ATP2B2: variants seen among roughly 807,000 people sequenced by gnomAD.
ATP2B2 encodes plasma membrane calcium-transporting ATPase 2.
ATP2B2 carries 15 observed loss-of-function variants against 120.0 expected under a neutral mutation model. That is an observed-to-expected ratio of 0.12 (90% CI 0.08 to 0.19). ATP2B2 has a LOEUF of 0.19. Among genes scored for constraint, ATP2B2 ranks in the 10% least tolerant of loss-of-function variants. The pLI is 1.00. For missense variants in ATP2B2, 1,045 were observed against 1,719.8 expected, an observed-to-expected ratio of 0.61 and a Z score of 6.94; for synonymous variants, 694 against 700.3, an observed-to-expected ratio of 0.99 and a Z score of 0.14.
chr3:10,695,425 T>C (rs1316548205), intron 1 of ATP2B2, among the ~76,000 whole-genome samples: 2 of 151,904 alleles, frequency 1.3e-5, no homozygotes, highest in Admixed American at 6.6e-5. Flanking sequence ...CACATGGGAG[T>C]TCAAAATGAG....
At chr3:10,382,170 T>C (rs1015898375) in intron 8 of ATP2B2, among the ~76,000 whole-genome samples, 4 of 151,166 alleles carry the variant, frequency 2.6e-5, no homozygotes, top group African/African-American at 9.7e-5. Flanking sequence ...GGAATATAGA[T>C]GTGTGCCACT....
intron 1 of ATP2B2, among the ~76,000 whole-genome samples, chr3:10,485,548 G>T (rs752020846): frequency 6.6e-6 from 1 of 152,204 alleles, no homozygotes; most frequent in Non-Finnish European, 1.5e-5. Context: ...CCCTGCCTCC[G>T]TATGGAGCTT....
intron 1 of ATP2B2, among the ~76,000 whole-genome samples, chr3:10,706,537 T>C (rs1159440993): frequency 1.3e-5 from 2 of 152,138 alleles, no homozygotes; most frequent in African/African-American, 4.8e-5. Context: ...CAGGCACAGA[T>C]GCTCAAGAGC....
chr3:10,531,301 G>A (rs957320842), intron 3 of ATP2B2, among the ~76,000 whole-genome samples: 3 of 152,254 alleles, frequency 2.0e-5, no homozygotes, highest in Non-Finnish European at 4.4e-5. Flanking sequence ...ACTTGGAAAC[G>A]CAGACAGTGC....
At chr3:10,444,632 A>G (rs1286432269) in intron 2 of ATP2B2, among the ~76,000 whole-genome samples, 3 of 152,220 alleles carry the variant, frequency 2.0e-5, no homozygotes, top group Non-Finnish European at 4.4e-5. Flanking sequence ...CCCCGCCAGG[A>G]AACATGCTAC....
At chr3:10,378,489 C>G in intron 9 of ATP2B2, 79 bp from the exon 10 acceptor site, 1 of 1,567,784 alleles carries the variant, frequency 6.4e-7, no homozygotes, top group East Asian at 2.2e-5. Flanking sequence ...GGTGGAGACG[C>G]TGGCACCCAC....
chr3:10,342,561 G>C lies in ATP2B2; in HGVS notation c.2917+191C>G, dbSNP rs2060309087. ...GATGGCTTTAGGGTTAGCCAGAGCTGGGACAGGGCCAGGCCCTGTTCAAGA... is the reference window on the plus strand; with the variant it reads ...GATGGCTTTAGGGTTAGCCAGAGCTCGGACAGGGCCAGGCCCTGTTCAAGA... On this transcript the variant is annotated intron_variant, in intron 19 of 22. Coordinates refer to ENST00000360273, the MANE Select transcript of ATP2B2 (RefSeq NM_001001331.4). This position sits in a 1 kb window ranked among gnomAD's most constrained non-coding sequence, Gnocchi z 4.4. Among the ~76,000 whole-genome samples the C allele has an allele frequency of 6.6e-6, 1 of 152,146 alleles. No individual in the cohort carries two copies. Among genetic ancestry groups the C allele is most frequent in the Admixed American group, 6.5e-5 (1 of 15,278 alleles).
rs1183922750 is a variant in ATP2B2 at position 10,402,126 on chromosome 3, T to G, written c.620A>C (p.Glu207Ala). ...CTGGGCTATGTCCCCAACCACGATC[T>G]CAGCCACAGGGATCTGGACCACCTG... is the stretch of plus-strand genomic sequence containing the variant. ...AGQVVQIPVA[E>A]IVVGDIAQVK... Residue 207 changes from glutamate to alanine, a missense_variant, in exon 4 of 23, where the codon GAG becomes GCG. This residue lies in a region of ATP2B2 where 35 missense variants were observed against 29.9 expected (regional missense o/e 1.17). Coordinates refer to ENST00000360273, the MANE Select transcript of ATP2B2 (RefSeq NM_001001331.4). The surrounding 1 kb of genome is among the most constrained non-coding windows in gnomAD (Gnocchi z 4.9). 1 of 1,614,168 alleles carries G rather than the reference T, an allele frequency of 6.2e-7. No individual in the cohort carries two copies. Among genetic ancestry groups the G allele is most frequent in the Non-Finnish European group, 8.5e-7 (1 of 1,180,050 alleles).
chr3:10,619,259 T>C (rs1289022410), intron 2 of ATP2B2, among the ~76,000 whole-genome samples: 2 of 152,130 alleles, frequency 1.3e-5, no homozygotes, highest in African/African-American at 4.8e-5. Context: ...TAGCCCACAG[T>C]GGCTCCATCA....
In ATP2B2 at chr3:10,449,663, C is replaced by T. The variant is rs1056889273; in HGVS notation, c.-120G>A. On this transcript the variant is annotated 5_prime_UTR_variant, in exon 2 of 23. Transcript: ENST00000360273. Reference sequence around the variant, plus strand: ...CTCACTGGTCAGCTGTGGCACCAGGCGGCCGACTCCGGGTCCCGGGGGGTG... The same window carrying T: ...CTCACTGGTCAGCTGTGGCACCAGGTGGCCGACTCCGGGTCCCGGGGGGTG... 28 of 1,257,296 alleles carry T rather than the reference C, an allele frequency of 2.2e-5. No individual in the cohort carries two copies. The highest frequency in any genetic ancestry group is 4.6e-4 in the Middle Eastern group (2 of 4,308). 77.9% of individuals were successfully genotyped at this position (1,257,296 alleles called of 1,614,324 possible).
chr3:10,605,938 C>T (rs75994816), intron 2 of ATP2B2, among the ~76,000 whole-genome samples: 3,897 of 152,120 alleles, frequency 0.026, 129 homozygotes, highest in East Asian at 0.13. Flanking sequence ...CGTGAGCCAC[C>T]ATGCCCAGCC....
chr3:10,413,823 T>C (rs1328575717), intron 2 of ATP2B2, among the ~76,000 whole-genome samples: 2 of 152,204 alleles, frequency 1.3e-5, no homozygotes, highest in African/African-American at 4.8e-5. Context: ...CTGGATGCCA[T>C]GGTGTGAATG....
At chr3:10,621,057 T>C (rs4684727) in intron 1 of ATP2B2, among the ~76,000 whole-genome samples, 143,819 of 152,114 alleles carry the variant, frequency 0.95, 68,095 homozygotes, top group African/African-American at 0.99. Flanking sequence ...GGTGCTGAGC[T>C]CTCCTGAGCC....
At chr3:10,575,409 T>C (rs1418128572) in intron 2 of ATP2B2, among the ~76,000 whole-genome samples, 1 of 152,154 alleles carries the variant, frequency 6.6e-6, no homozygotes, top group Non-Finnish European at 1.5e-5. Context: ...AATGACCTCC[T>C]AGAGTTCTAG....
chr3:10,444,640 T>C (rs991269311), intron 2 of ATP2B2, among the ~76,000 whole-genome samples: 10 of 152,194 alleles, frequency 6.6e-5, no homozygotes, highest in Non-Finnish European at 1.0e-4. Flanking sequence ...GGAAACATGC[T>C]ACGTGGCAAA....
chr3:10,630,899 C>A (rs2069845717), intron 1 of ATP2B2, among the ~76,000 whole-genome samples: 1 of 151,908 alleles, frequency 6.6e-6, no homozygotes, highest in South Asian at 2.1e-4. Context: ...GTGATTTGAA[C>A]CCATGTCTTT....
At chr3:10,638,032 G>A (rs549812337) in intron 1 of ATP2B2, among the ~76,000 whole-genome samples, 7 of 152,238 alleles carry the variant, frequency 4.6e-5, no homozygotes, top group South Asian at 4.1e-4. Flanking sequence ...CACTGTATAC[G>A]TACCAGTGAA....
intron 1 of ATP2B2, among the ~76,000 whole-genome samples, chr3:10,643,461 A>G (rs1440737433): frequency 1.3e-5 from 2 of 152,230 alleles, no homozygotes; most frequent in East Asian, 1.9e-4. Context: ...GCATCTCCCC[A>G]CAGATTGGGG....
At chr3:10,508,644 G>A (rs181209167), upstream of ATP2B2, among the ~76,000 whole-genome samples, 1,816 of 152,310 alleles carry the variant, frequency 0.012, 100 homozygotes, top group Admixed American at 0.096. Flanking sequence ...CCCTTGCCCC[G>A]TCCCCTTTGC....
Sources: allele counts gnomAD v4.1 joint callset (sites outside exome capture counted in the v4.1 genomes callset), GRCh38; gene constraint gnomAD v4.1.1; regional missense constraint gnomAD v4.1.1; non-coding constraint Gnocchi (gnomAD v3.1); transcripts MANE v1.5; gene names NCBI Gene and HGNC (gene_info 2026-07-23, HGNC 2026-07-21).